The following DYM variants were observed in gnomAD, a reference collection of about 807,000 sequenced individuals.
DYM encodes the protein dymeclin, also known as dyggve-Melchior-Clausen syndrome protein.
In DYM, 78 loss-of-function variants were observed where a neutral mutation model predicts 93.1. That is an observed-to-expected ratio of 0.84 (90% CI 0.70 to 1.01). DYM has a LOEUF of 1.01. DYM is among the 50% of genes least tolerant of loss of function. DYM has a pLI of 0.00. For synonymous variants in DYM, 321 were observed against 319.7 expected, an observed-to-expected ratio of 1.00 and a Z score of -0.04; for missense variants, 789 against 845.0, an observed-to-expected ratio of 0.93 and a Z score of 0.82.
At chr18:49,325,978 C>A (rs561837545) in intron 8 of DYM, among the ~76,000 whole-genome samples, 1 of 152,290 alleles carries the variant, frequency 6.6e-6, no homozygotes, top group East Asian at 1.9e-4. Context: ...CCATGAAAGG[C>A]CCACAGCAGA....
intron 15 of DYM, among the ~76,000 whole-genome samples, chr18:49,163,192 T>C (rs936596210): frequency 6.6e-6 from 1 of 152,208 alleles, no homozygotes; most frequent in African/African-American, 2.4e-5. Flanking sequence ...CAACCACTTG[T>C]TAACAATCAT....
intron 15 of DYM, among the ~76,000 whole-genome samples, chr18:49,123,654 C>A (rs2082568320): frequency 1.3e-5 from 2 of 152,090 alleles, no homozygotes; most frequent in Non-Finnish European, 2.9e-5. Context: ...ATAGCTGTCT[C>A]ATTTTGGGAT....
chr18:49,225,758 T>C (rs1466981079), intron 13 of DYM, among the ~76,000 whole-genome samples: 1 of 152,092 alleles, frequency 6.6e-6, no homozygotes, highest in African/African-American at 2.4e-5. Context: ...AGTGCTTTCA[T>C]CCTAAATTAG....
chr18:49,202,615 C>T (rs1254195957), intron 14 of DYM, among the ~76,000 whole-genome samples: 9 of 120,628 alleles, frequency 7.5e-5, no homozygotes, highest in Non-Finnish European at 1.7e-5. Flanking sequence ...CGCCCATTGT[C>T]TGAGATGTGG....
intron 17 of DYM, among the ~76,000 whole-genome samples, chr18:49,063,324 T>C (rs944704187): frequency 6.8e-6 from 1 of 147,052 alleles, no homozygotes; most frequent in South Asian, 2.1e-4. Context: ...TTTTTTTTTT[T>C]AAATCCATGC....
intron 17 of DYM, among the ~76,000 whole-genome samples, chr18:49,055,461 A>C (rs1057265270): frequency 2.0e-5 from 3 of 152,176 alleles, no homozygotes; most frequent in African/African-American, 7.2e-5. Flanking sequence ...ATCAATTCCT[A>C]CTTAGGAGGC....
intron 1 of DYM, among the ~76,000 whole-genome samples, chr18:49,446,412 T>C (rs4359547): frequency 0.028 from 4,218 of 152,304 alleles, 198 homozygotes; most frequent in African/African-American, 0.094. Context: ...AGTATTACTT[T>C]AAGTAGAAAA....
At position 49,453,129 on chromosome 18, in the gene DYM, A is replaced by G. The variant is rs1198387445; in HGVS notation, c.-54+7269T>C. On this transcript the variant is annotated intron_variant, in intron 1 of 17. Coordinates refer to ENST00000675505, the MANE Select transcript of DYM (RefSeq NM_001353214.3). The stretch of plus-strand genomic sequence containing the variant: ...AAGGTTTGTAAATGCACCAATCAGC[A>G]CTCTGTATCTAGCTCAGGGTTTGTA... Among the ~76,000 whole-genome samples the G allele has an allele frequency of 2.4e-5, 3 of 124,104 alleles. 1 individual carries two copies. Among genetic ancestry groups the G allele is most frequent in the Non-Finnish European group, 5.2e-5 (3 of 57,860 alleles). The allele number at this position is 124,104 out of a possible 152,430, so 81.4% of individuals were successfully genotyped here. A position where few individuals can be genotyped will look rare whatever the true frequency, so the allele number is the denominator to read the frequency against.
intron 6 of DYM, among the ~76,000 whole-genome samples, chr18:49,356,931 A>G (rs1021257660): frequency 6.6e-5 from 10 of 152,324 alleles, no homozygotes; most frequent in African/African-American, 2.2e-4. Context: ...TCTAATAATT[A>G]TATTCTTTTT....
intron 14 of DYM, among the ~76,000 whole-genome samples, chr18:49,193,564 A>G (rs1378745772): frequency 2.6e-5 from 4 of 152,230 alleles, no homozygotes; most frequent in Non-Finnish European, 5.9e-5. Flanking sequence ...TTTAAAACAT[A>G]AGAGAATAGA....
chr18:49,355,722 A>G (rs2147238644), intron 6 of DYM, among the ~76,000 whole-genome samples: 1 of 152,252 alleles, frequency 6.6e-6, no homozygotes, highest in Admixed American at 6.5e-5. Flanking sequence ...CCCAACAAAC[A>G]ACTAATTTTT....
chr18:49,171,046 C>T (rs903228548), intron 14 of DYM, among the ~76,000 whole-genome samples: 1 of 152,182 alleles, frequency 6.6e-6, no homozygotes. Flanking sequence ...AACGAAGTCA[C>T]TGGATTTGGC....
At chr18:49,256,922 G>A (rs2094402775) in intron 13 of DYM, 88 bp downstream of exon 13, 6 of 1,111,196 alleles carry the variant, frequency 5.4e-6, no homozygotes, top group Non-Finnish European at 8.1e-6. Context: ...AGTCCTCACA[G>A]GTAACATTTA....
At chr18:49,253,262 T>G (rs2094327001) in intron 13 of DYM, among the ~76,000 whole-genome samples, 1 of 152,246 alleles carries the variant, frequency 6.6e-6, no homozygotes, top group South Asian at 2.1e-4. Context: ...ACTTCTCACT[T>G]GAAGTGGTTA....
intron 15 of DYM, among the ~76,000 whole-genome samples, chr18:49,134,059 T>C (rs1235997409): frequency 6.6e-6 from 1 of 152,200 alleles, no homozygotes; most frequent in Non-Finnish European, 1.5e-5. Flanking sequence ...GATGGATTGA[T>C]TGATTGATAG....
chr18:49,091,572 T>A (rs1163385277), intron 17 of DYM, among the ~76,000 whole-genome samples: 1 of 152,022 alleles, frequency 6.6e-6, no homozygotes, highest in Non-Finnish European at 1.5e-5. Context: ...CAGGCATCAG[T>A]TCACACAGCG....
chr18:49,083,864 T>C (rs901464842), intron 17 of DYM, among the ~76,000 whole-genome samples: 2 of 152,150 alleles, frequency 1.3e-5, no homozygotes, highest in African/African-American at 4.8e-5. Context: ...TTCTTCACTT[T>C]GGTAATCTGT....
intron 16 of DYM, 60 bp from the exon 17 acceptor site, chr18:49,097,575 C>G (rs112077097): frequency 9.3e-6 from 13 of 1,400,950 alleles, no homozygotes; most frequent in African/African-American, 7.0e-5. Context: ...TTTTAGTAGC[C>G]GCCTTTCTCA....
At chr18:49,156,427 C>CA (rs1034403088) in intron 15 of DYM, among the ~76,000 whole-genome samples, 13 of 150,774 alleles carry the variant, frequency 8.6e-5, no homozygotes, top group East Asian at 2.0e-4. Context: ...GCCCCCCCCT[C>CA]AAAAAAAACA....
Sources: gnomAD v4.1 joint callset for allele counts (sites outside exome capture counted in the v4.1 genomes callset) on GRCh38, gnomAD v4.1.1 for gene constraint, MANE v1.5 for transcripts, NCBI Gene and HGNC (gene_info 2026-07-23, HGNC 2026-07-21) for gene names.